Variants in WDFY1 observed in about 807,000 individuals in gnomAD.
The protein encoded by WDFY1 is WD repeat and FYVE domain containing 1, also known as WD repeat and FYVE domain-containing protein 1.
In WDFY1, 32 loss-of-function variants were observed where a neutral mutation model predicts 56.4. That is an observed-to-expected ratio of 0.57 (90% CI 0.43 to 0.76). The LOEUF is 0.76. WDFY1 is among the 30% of genes least tolerant of loss of function. The probability of loss-of-function intolerance (pLI) is 0.00; values close to 1 mark genes in which losing one functional copy is unlikely to be tolerated. For missense variants in WDFY1, 480 were observed against 545.7 expected (o/e 0.88, Z 1.20); for synonymous variants, 192 against 197.3 (o/e 0.97, Z 0.23).
chr2:223,915,237 C>T (rs2106090858), intron 2 of WDFY1, among the ~76,000 whole-genome samples: 2 of 152,340 alleles, frequency 1.3e-5, no homozygotes, highest in Middle Eastern at 6.8e-3. Flanking sequence ...TGTGCAGATA[C>T]AAACATGTAG....
At chr2:223,879,437 C>T (rs1018169318) in intron 11 of WDFY1, among the ~76,000 whole-genome samples, 13 of 151,972 alleles carry the variant, frequency 8.6e-5, no homozygotes, top group Admixed American at 5.9e-4. Context: ...GGGAGGATCG[C>T]TTGAGCCGAG....
chr2:223,881,096 C>T (rs1044251106), intron 10 of WDFY1, among the ~76,000 whole-genome samples: 2 of 152,206 alleles, frequency 1.3e-5, no homozygotes, highest in Non-Finnish European at 2.9e-5. Context: ...TCTGTCCTAA[C>T]GGATTTGCCT....
At chr2:223,892,769 T>C (rs1254108446) in intron 8 of WDFY1, among the ~76,000 whole-genome samples, 1 of 152,186 alleles carries the variant, frequency 6.6e-6, no homozygotes, top group Non-Finnish European at 1.5e-5. Flanking sequence ...CTGAACAACA[T>C]ATTGCCATAA....
At position 223,895,607 on chromosome 2, in the gene WDFY1, C is replaced by T. The variant is rs1428000688; in HGVS notation, c.622G>A (p.Asp208Asn). 1 of 1,613,892 alleles carries T rather than the reference C, an allele frequency of 6.2e-7. No individual in the cohort carries two copies. Among genetic ancestry groups the T allele is most frequent in the African/African-American group, 1.3e-5 (1 of 74,956 alleles). ...HEGSVACLWW[D>N]PIQRLLFSGA... ...GAGAAGAGTAACCGCTGAATAGGGT[C>T]CCACCAGAGGCAGGCGACACTACCT... is the stretch of plus-strand genomic sequence containing the variant. Residue 208 changes from aspartate (D) to asparagine (N), a missense_variant, in exon 7 of 12, where the codon GAC becomes AAC. Asp to Asn is a conservative substitution (Grantham distance 23, BLOSUM62 1). Transcript: ENST00000233055.
rs1486875868 is a variant in WDFY1 at position 223,877,167 on chromosome 2, C to T, written c.*1504G>A. ...TACGTGTGTCACACAGCCATTAAGA[C>T]ATTTTAGTTTGATCGCCTCCTTAAA... On this transcript the variant is annotated 3_prime_UTR_variant, in exon 12 of 12. Transcript: ENST00000233055. 2 of 152,134 alleles carry T rather than the reference C, an allele frequency of 1.3e-5. No homozygotes were observed. The highest frequency in any genetic ancestry group is 3.2e-3 in the Middle Eastern group (1 of 314). 9.4% of individuals were successfully genotyped at this position (152,134 alleles called of 1,614,324 possible). A position where few individuals can be genotyped will look rare whatever the true frequency, so the allele number is the denominator to read the frequency against.
chr2:223,892,524 A>T (rs752750867), intron 8 of WDFY1, among the ~76,000 whole-genome samples: 29 of 152,216 alleles, frequency 1.9e-4, no homozygotes, highest in Non-Finnish European at 3.8e-4. Context: ...TCTTGTGGGC[A>T]AGTATCTTTG....
intron 1 of WDFY1, among the ~76,000 whole-genome samples, chr2:223,921,387 T>C (rs2106094556): frequency 6.6e-6 from 1 of 152,196 alleles, no homozygotes; most frequent in East Asian, 1.9e-4. Flanking sequence ...CTGAGCACCA[T>C]TCAGCAAAGT....
Position 223,880,135 on chromosome 2 carries a change from G to A in WDFY1, c.1162C>T (p.Arg388Cys), listed in dbSNP as rs147876037. The A allele has an allele frequency of 1.2e-5, 19 of 1,613,858 alleles. No homozygotes were observed. The highest frequency in any genetic ancestry group is 6.7e-5 in the East Asian group (3 of 44,880). ...ATTAGCCAGCTTACCTTTACAATGC[G>A]GTCGGTCCCACAGGTCACCATCAGT... ...RGLMVTCGTD[R>C]IVKIWDMTPV... Residue 388 changes from arginine to cysteine, a missense_variant, in exon 11 of 12, where the codon CGC (arginine) becomes TGC (cysteine). By Grantham distance (180) the Arg-to-Cys change is radical. Coordinates refer to ENST00000233055, the MANE Select transcript of WDFY1 (RefSeq NM_020830.5).
Position 223,878,359 on chromosome 2 carries a change from T to C in WDFY1, c.*312A>G. 4.4e-6 allele frequency: 1 copy of C among 228,576 alleles called. No homozygotes were observed. The highest frequency in any genetic ancestry group is 8.6e-6 in the Non-Finnish European group (1 of 116,220). 14.2% of individuals were successfully genotyped at this position (228,576 alleles called of 1,614,324 possible). On this transcript the variant is annotated 3_prime_UTR_variant, in exon 12 of 12. Transcript: ENST00000233055. ...GGTTCTAAGCATTCACTTTTTTGTT[T>C]GATTTTTTGTCCCCGCTAAAACTCA...
At chr2:223,887,940 T>C (rs1428790531) in intron 8 of WDFY1, among the ~76,000 whole-genome samples, 2 of 152,178 alleles carry the variant, frequency 1.3e-5, no homozygotes, top group East Asian at 1.9e-4. Context: ...GGCAAGAACA[T>C]AGTTTCAGGA....
At chr2:223,943,570 T>A (rs1689350182) in intron 1 of WDFY1, among the ~76,000 whole-genome samples, 1 of 152,208 alleles carries the variant, frequency 6.6e-6, no homozygotes, top group African/African-American at 2.4e-5. Context: ...GTACCTTCCA[T>A]CCTCCAGAAA....
intron 9 of WDFY1, among the ~76,000 whole-genome samples, chr2:223,882,644 A>C (rs528247079): frequency 6.6e-6 from 1 of 152,336 alleles, no homozygotes; most frequent in African/African-American, 2.4e-5. Flanking sequence ...TATTAACAAC[A>C]AATTTAGTTC....
Position 223,901,326 on chromosome 2 carries a change from C to T in WDFY1, c.342G>A (p.Gln114=). Residue 114 remains glutamine, a synonymous_variant, in exon 5 of 12, where the codon CAG becomes CAA. Coordinates refer to ENST00000233055, the MANE Select transcript of WDFY1 (RefSeq NM_020830.5). ...MNFIKTYPAH[Q]NRVSAIIFSL... is the part of the protein sequence containing the mutation. ...TGAAGATAATCGCAGACACCCGGTT[C>T]TGATGAGCTGCAGGAACAGAAAGGT... is the stretch of plus-strand genomic sequence containing the variant. 4.3e-6 allele frequency: 7 copies of T among 1,614,142 alleles called. No homozygotes were observed. Among genetic ancestry groups the T allele is most frequent in the Non-Finnish European group, 5.9e-6 (7 of 1,179,992 alleles).
rs1192018583 is a variant in WDFY1, at chr2:223,897,380, A to ATTTT, written c.598+1577_598+1578insAAAA. On this transcript the variant is annotated intron_variant, in intron 6 of 11. Coordinates refer to ENST00000233055, the MANE Select transcript of WDFY1 (RefSeq NM_020830.5). ...TATATATATATATATATATATATATATATATATATATTTTTTAAGACGGAG... is the reference window on the plus strand; with the variant it reads ...TATATATATATATATATATATATATATTTTTATATATATATTTTTTAAGACGGAG... 1.1e-4 allele frequency among the ~76,000 whole-genome samples: 9 copies of ATTTT among 84,794 alleles called. No individual in the cohort carries two copies. The East Asian group carries it at 1.3e-3, about 13-fold the overall frequency. The allele number at this position is 84,794 out of a possible 152,430, so 55.6% of individuals were successfully genotyped here.
At chr2:223,886,807 A>AT (rs1379572517) in intron 8 of WDFY1, among the ~76,000 whole-genome samples, 3 of 151,178 alleles carry the variant, frequency 2.0e-5, no homozygotes, top group Non-Finnish European at 2.9e-5. Context: ...AGTAGAAAAT[A>AT]TTTTTTCTAA....
Position 223,894,264 on chromosome 2 carries a change from T to C in WDFY1, c.801A>G (p.Ala267=), listed in dbSNP as rs776819441. ...LVSCSSDGGI[A]VWNMDVSREE... is the part of the protein sequence containing the mutation. ...CTCTGCTAACATCCATGTTCCACAC[T>C]GCAATTCCGCCGTCCGAGGAACAGG... Residue 267 remains alanine, a synonymous_variant, in exon 8 of 12, where the codon GCA becomes GCG. Transcript: ENST00000233055. 2.2e-5 allele frequency: 36 copies of C among 1,614,050 alleles called. No homozygotes were observed. The highest frequency in any genetic ancestry group is 2.8e-5 in the Non-Finnish European group (33 of 1,180,012).
chr2:223,918,142 T>A, intron 1 of WDFY1, 132 bp from the exon 2 acceptor site: 1 of 767,216 alleles, frequency 1.3e-6, no homozygotes, highest in Non-Finnish European at 2.1e-6. Flanking sequence ...CTGGACAAAC[T>A]GGACAAATAT....
At chr2:223,900,442 T>A (rs971901025) in intron 5 of WDFY1, among the ~76,000 whole-genome samples, 1 of 152,212 alleles carries the variant, frequency 6.6e-6, no homozygotes, top group South Asian at 2.1e-4. Context: ...CTGCGGGGTG[T>A]CTGCCTGTTG....
intron 1 of WDFY1, among the ~76,000 whole-genome samples, chr2:223,936,924 A>G (rs1694176110): frequency 6.6e-6 from 1 of 152,216 alleles, no homozygotes; most frequent in Non-Finnish European, 1.5e-5. Flanking sequence ...CTCCACAGGA[A>G]GAGGACTCTT....
Sources: allele counts gnomAD v4.1 joint callset (sites outside exome capture counted in the v4.1 genomes callset), GRCh38; gene constraint gnomAD v4.1.1; transcripts MANE v1.5; gene names NCBI Gene and HGNC (gene_info 2026-07-23, HGNC 2026-07-21).